Variants in TCF20 observed in about 807,000 individuals in gnomAD.
The protein encoded by TCF20 is SPRE-binding protein.
TCF20 carries 3 observed loss-of-function variants against 148.6 expected under a neutral mutation model. That is an observed-to-expected ratio of 0.02 (90% confidence interval 0.01 to 0.05). The LOEUF (loss-of-function observed/expected upper bound fraction) is 0.05, where lower values mean the gene tolerates loss of function less well. Among genes scored for constraint, TCF20 ranks in the 10% least tolerant of loss-of-function variants. TCF20 has a pLI of 1.00. For missense variants in TCF20, 2,350 were observed against 2,429.3 expected, an observed-to-expected ratio of 0.97 and a Z score of 0.69; for synonymous variants, 1,049 against 909.5, an observed-to-expected ratio of 1.15 and a Z score of -2.76.
At chr22:42,194,140 T>C (rs896532634) in intron 2 of TCF20, among the ~76,000 whole-genome samples, 1 of 152,200 alleles carries the variant, frequency 6.6e-6, no homozygotes, top group African/African-American at 2.4e-5. Flanking sequence ...AGTCTTTATG[T>C]GGCTGGATCA....
chr22:42,224,451 G>C (rs1009321663), intron 1 of TCF20, among the ~76,000 whole-genome samples: 1 of 140,328 alleles, frequency 7.1e-6, no homozygotes, highest in Admixed American at 8.0e-5. Context: ...TGGGCAACAA[G>C]CGAGACTCTG....
chr22:42,240,001 A>G (rs1033710050), intron 1 of TCF20, among the ~76,000 whole-genome samples: 2 of 152,222 alleles, frequency 1.3e-5, no homozygotes, highest in African/African-American at 4.8e-5. Context: ...AGAATGCAAT[A>G]AAATGAGGTA....
chr22:42,253,747 T>G (rs1460823950), intron 1 of TCF20, among the ~76,000 whole-genome samples: 1 of 152,098 alleles, frequency 6.6e-6, no homozygotes, highest in East Asian at 1.9e-4. Context: ...ATTTATTAAT[T>G]CAGAAAGGAT....
At chr22:42,319,040 G>A (rs371286015) in intron 1 of TCF20, among the ~76,000 whole-genome samples, 8 of 152,216 alleles carry the variant, frequency 5.3e-5, no homozygotes, top group East Asian at 1.9e-4. Context: ...GGGTACTAGG[G>A]GGGCATGAGA....
rs182185829 is a variant in TCF20, at chr22:42,338,233, G to A, written c.-37+5246C>T. ...CCTCGCAGCTGGGTCCCCAGTGCCC[G>A]CTCCGTGACAGCCCCAGAAGAGGGC... is the stretch of plus-strand genomic sequence containing the variant. On this transcript the variant is annotated intron_variant, in intron 1 of 1. Transcript: ENST00000515426. This position sits in a 1 kb window ranked among gnomAD's most constrained non-coding sequence, Gnocchi z 4.0. 3.9e-5 allele frequency among the ~76,000 whole-genome samples: 6 copies of A among 152,350 alleles called. No individual in the cohort carries two copies. The highest frequency in any genetic ancestry group is 2.6e-4 in the Admixed American group (4 of 15,298).
intron 1 of TCF20, among the ~76,000 whole-genome samples, chr22:42,227,512 C>T (rs1923021762): frequency 6.6e-6 from 1 of 152,160 alleles, no homozygotes; most frequent in African/African-American, 2.4e-5. Flanking sequence ...AACCAGCATA[C>T]AAGCCTCCAC....
rs1491280192 is a variant in TCF20, at chr22:42,242,227, A to AAAAAAAAAAAAAAAAAAAT, written c.-36-26887_-36-26886insATTTTTTTTTTTTTTTTTT. Reference sequence around the variant, plus strand: ...CAAAAAAAAAAAAAAAAAAAAAAAAACAGAAAAGAAAGGGTGACTACAAGG... The same window carrying AAAAAAAAAAAAAAAAAAAT: ...CAAAAAAAAAAAAAAAAAAAAAAAAAAAAAAAAAAAAAAAAAAATCAGAAAAGAAAGGGTGACTACAAGG... On this transcript the variant is annotated intron_variant, in intron 1 of 5. Coordinates refer to ENST00000677622, the MANE Select transcript of TCF20 (RefSeq NM_001378418.1). Among the ~76,000 whole-genome samples, 90 of 122,744 alleles carry AAAAAAAAAAAAAAAAAAAT rather than the reference A, an allele frequency of 7.3e-4. 2 individuals carry two copies. The highest frequency in any genetic ancestry group is 1.1e-3 in the Non-Finnish European group (64 of 57,896). 80.5% of individuals were successfully genotyped at this position (122,744 alleles called of 152,430 possible). A position where few individuals can be genotyped will look rare whatever the true frequency, so the allele number is the denominator to read the frequency against.
At chr22:42,262,794 G>T (rs979079830) in intron 1 of TCF20, among the ~76,000 whole-genome samples, 2 of 152,076 alleles carry the variant, frequency 1.3e-5, no homozygotes, top group Non-Finnish European at 1.5e-5. Context: ...TCAAGTCAGG[G>T]TTATACACCT....
At chr22:42,319,912 T>A (rs1251504507) in intron 1 of TCF20, among the ~76,000 whole-genome samples, 2 of 151,904 alleles carry the variant, frequency 1.3e-5, no homozygotes, top group African/African-American at 4.8e-5. Context: ...GAAGTCTCCT[T>A]CTCCCTCCCA....
Position 42,204,109 on chromosome 22 carries a change from C to A in TCF20, c.5655+5542G>T, listed in dbSNP as rs1310844160. Among the ~76,000 whole-genome samples the A allele has an allele frequency of 2.0e-5, 3 of 152,072 alleles. No homozygotes were observed. In the East Asian group the frequency reaches 5.8e-4, roughly 29 times the overall value. ...TTTATATTTTCCAAATCATGTTTTC[C>A]ATCACAATTTAAAGTAAATTTAAGA... On this transcript the variant is annotated intron_variant, in intron 2 of 5. Transcript: ENST00000677622.
chr22:42,313,425 C>G (rs528139494), intron 1 of TCF20, among the ~76,000 whole-genome samples: 3 of 152,078 alleles, frequency 2.0e-5, no homozygotes, highest in Admixed American at 1.3e-4. Flanking sequence ...CTCCCATTAC[C>G]CTCTCAGCCT....
chr22:42,334,129 A>T (rs941042593), intron 1 of TCF20, among the ~76,000 whole-genome samples: 1 of 152,146 alleles, frequency 6.6e-6, no homozygotes, highest in Non-Finnish European at 1.5e-5. Flanking sequence ...GAGCCTGAAC[A>T]TCTCACCCTC....
rs1273749908 is a variant in TCF20 at position 42,213,697 on chromosome 22, G to A, written c.1609C>T (p.Leu537=). 1 of 1,613,914 alleles carries A rather than the reference G, an allele frequency of 6.2e-7. No individual in the cohort carries two copies. The highest frequency in any genetic ancestry group is 8.5e-7 in the Non-Finnish European group (1 of 1,179,946). ...TCAGAGCTGGTGCTCTGGCCACTTAGTTGCCGCACTCTCTCGCCTTGATCC... is the reference window on the plus strand; with the variant it reads ...TCAGAGCTGGTGCTCTGGCCACTTAATTGCCGCACTCTCTCGCCTTGATCC... ...SEDQGERVRQ[L]SGQSTSSDTT... is the part of the protein sequence containing the mutation. The change falls in exon 2 of 6, where the codon CTA becomes TTA. Residue 537 remains leucine (L), a synonymous_variant. Coordinates refer to ENST00000677622, the MANE Select transcript of TCF20 (RefSeq NM_001378418.1).
intron 1 of TCF20, among the ~76,000 whole-genome samples, chr22:42,219,062 C>G (rs775786928): frequency 2.6e-5 from 4 of 151,968 alleles, no homozygotes; most frequent in Non-Finnish European, 5.9e-5. Context: ...CATATACCAA[C>G]GACAGAAAAT....
At chr22:42,208,715 A>G (rs1938559018) in intron 2 of TCF20, among the ~76,000 whole-genome samples, 1 of 152,202 alleles carries the variant, frequency 6.6e-6, no homozygotes, top group Non-Finnish European at 1.5e-5. Flanking sequence ...AACAGAGGAG[A>G]AAAGATAAAA....
intron 1 of TCF20, among the ~76,000 whole-genome samples, chr22:42,259,961 AAATT>A (rs1316011346): frequency 7.2e-5 from 11 of 152,348 alleles, no homozygotes; most frequent in South Asian, 2.1e-4. Flanking sequence ...TTTTAAAAAT[AAATT>A]AATTAATTTA....
intron 1 of TCF20, among the ~76,000 whole-genome samples, chr22:42,264,266 C>A (rs983500389): frequency 1.7e-3 from 2 of 1,174 alleles, no homozygotes; most frequent in Non-Finnish European, 3.1e-3. Context: ...TAAAGTGGGG[C>A]GGGGGCGGGG....
chr22:42,179,888 CAAT>C (rs1200077265), intron 2 of TCF20, among the ~76,000 whole-genome samples, 186 bp from the exon 3 acceptor site: 3 of 152,264 alleles, frequency 2.0e-5, no homozygotes, highest in Non-Finnish European at 2.9e-5. Context: ...AGGGATCCAG[CAAT>C]AATGTTTTAG....
At chr22:42,167,380 G>A (rs537481446) in intron 5 of TCF20, among the ~76,000 whole-genome samples, 147 of 152,350 alleles carry the variant, frequency 9.6e-4, no homozygotes, top group African/African-American at 3.5e-3. Flanking sequence ...GAAGGGACAC[G>A]TCTAGCGTAG....
Sources: gnomAD v4.1 joint callset for allele counts (sites outside exome capture counted in the v4.1 genomes callset) on GRCh38, gnomAD v4.1.1 for gene constraint, Gnocchi (gnomAD v3.1) non-coding constraint, MANE v1.5 for transcripts, NCBI Gene and HGNC (gene_info 2026-07-23, HGNC 2026-07-21) for gene names.